TMEM132D: variants seen among roughly 807,000 people sequenced by gnomAD.
TMEM132D encodes the protein mature OL transmembrane protein.
Under a neutral mutation model 62.3 loss-of-function variants are expected in TMEM132D, and 21 were observed. The observed-to-expected ratio is 0.34, with a 90% CI of 0.24 to 0.49. TMEM132D has a LOEUF of 0.49. Ranked by LOEUF, TMEM132D falls within the 20% of genes least tolerant of loss-of-function variation. TMEM132D has a pLI of 0.99. For missense variants in TMEM132D, 1,346 were observed against 1,402.8 expected, an observed-to-expected ratio of 0.96 and a Z score of 0.65; for synonymous variants, 621 against 575.6, an observed-to-expected ratio of 1.08 and a Z score of -1.13.
Position 129,073,764 on chromosome 12 carries a change from C to A in TMEM132D, c.*111G>T, listed in dbSNP as rs570219941. On this transcript the variant is annotated 3_prime_UTR_variant, in exon 9 of 9. Transcript: ENST00000422113. ...TTGGCTGAGGCTGTATGGATAGTGT[C>A]ATCCTTATTTTGTCCTGCTGCTTTG... is the stretch of plus-strand genomic sequence containing the variant. 4 of 1,022,488 alleles carry A rather than the reference C, an allele frequency of 3.9e-6. No individual in the cohort carries two copies. The highest frequency in any genetic ancestry group is 1.6e-5 in the African/African-American group (1 of 62,070). The allele number at this position is 1,022,488 out of a possible 1,614,324, so 63.3% of individuals were successfully genotyped here. A position where few individuals can be genotyped will look rare whatever the true frequency, so the allele number is the denominator to read the frequency against.
intron 3 of TMEM132D, among the ~76,000 whole-genome samples, chr12:129,518,189 G>C (rs1456445623): frequency 6.6e-6 from 1 of 152,048 alleles, no homozygotes; most frequent in Admixed American, 6.6e-5. Context: ...TAGTTTTTCT[G>C]TTGTGAGTTT....
intron 5 of TMEM132D, among the ~76,000 whole-genome samples, chr12:129,143,246 C>A (rs1876794453): frequency 1.3e-5 from 2 of 152,090 alleles, no homozygotes; most frequent in Admixed American, 1.3e-4. Context: ...TAGAGTGGCT[C>A]ACAAAACTCA....
At chr12:129,481,491 G>GT (rs1874429020) in intron 3 of TMEM132D, among the ~76,000 whole-genome samples, 2 of 147,892 alleles carry the variant, frequency 1.4e-5, no homozygotes, top group African/African-American at 5.0e-5. Flanking sequence ...CCACAAAACT[G>GT]TAAGACAAAC....
In TMEM132D at chr12:129,699,849, G is replaced by A. The variant is rs2137225223; in HGVS notation, c.929C>T (p.Ser310Phe). 1 of 1,614,178 alleles carries A rather than the reference G, an allele frequency of 6.2e-7. No homozygotes were observed. The highest frequency in any genetic ancestry group is 8.5e-7 in the Non-Finnish European group (1 of 1,180,040). The change falls in exon 2 of 9, where the codon TCC (serine) becomes TTC (phenylalanine). Residue 310 changes from serine to phenylalanine, a missense_variant. Transcript: ENST00000422113. ...ATCTTCAGTGGAATTTCTGGAGATG[G>A]AAACAGGAAAAGTCAGCACGTCTCC... ...RKGDVLTFPV[S>F]ISRNSTEDRF...
intron 2 of TMEM132D, among the ~76,000 whole-genome samples, chr12:129,697,401 T>G (rs1211116938): frequency 2.6e-5 from 4 of 152,234 alleles, no homozygotes; most frequent in Non-Finnish European, 5.9e-5. Flanking sequence ...ATAATAATCT[T>G]GCCAGGTCCA....
chr12:129,103,088 T>G (rs900631823), intron 5 of TMEM132D, among the ~76,000 whole-genome samples: 1 of 152,246 alleles, frequency 6.6e-6, no homozygotes, highest in African/African-American at 2.4e-5. Context: ...TGCTCTGTTT[T>G]GTGACCCTAC....
At chr12:129,118,743 C>T (rs955676779) in intron 5 of TMEM132D, among the ~76,000 whole-genome samples, 3 of 152,222 alleles carry the variant, frequency 2.0e-5, no homozygotes, top group African/African-American at 4.8e-5. Context: ...CCTGGCCATT[C>T]CAGGCAAGAG....
chr12:129,442,453 T>C (rs1872967765), intron 3 of TMEM132D, among the ~76,000 whole-genome samples: 1 of 152,158 alleles, frequency 6.6e-6, no homozygotes, highest in Admixed American at 6.5e-5. Flanking sequence ...CTCAGGTAAG[T>C]CACTCAAGAG....
intron 3 of TMEM132D, among the ~76,000 whole-genome samples, chr12:129,512,649 C>T (rs537400957): frequency 6.6e-6 from 1 of 152,308 alleles, no homozygotes; most frequent in Admixed American, 6.5e-5. Context: ...GGACCGTGAT[C>T]AACTAGGGGC....
intron 1 of TMEM132D, among the ~76,000 whole-genome samples, chr12:129,783,537 C>T (rs533461561): frequency 2.0e-5 from 3 of 152,240 alleles, no homozygotes; most frequent in South Asian, 2.1e-4. Flanking sequence ...ATATTCCAGG[C>T]GTACTTGTTT....
intron 4 of TMEM132D, 35 bp downstream of exon 4, chr12:129,337,599 T>C (rs2135657754): frequency 6.2e-7 from 1 of 1,610,292 alleles, no homozygotes; most frequent in East Asian, 2.2e-5. Flanking sequence ...CTCCCCCGAG[T>C]TCAGTTCTAA....
At chr12:129,622,088 G>A (rs1178036104) in intron 2 of TMEM132D, among the ~76,000 whole-genome samples, 1 of 152,152 alleles carries the variant, frequency 6.6e-6, no homozygotes, top group Non-Finnish European at 1.5e-5. Flanking sequence ...GTACGTGGGG[G>A]AACTCTCTCT....
At chr12:129,777,761 C>G (rs1870987275) in intron 1 of TMEM132D, among the ~76,000 whole-genome samples, 1 of 152,030 alleles carries the variant, frequency 6.6e-6, no homozygotes, top group East Asian at 1.9e-4. Flanking sequence ...CAATTACTGC[C>G]AAGAGCACCT....
intron 5 of TMEM132D, among the ~76,000 whole-genome samples, chr12:129,184,242 T>C (rs1878157371): frequency 2.0e-5 from 3 of 152,300 alleles, no homozygotes; most frequent in South Asian, 4.1e-4. Flanking sequence ...ATGGGGAGTC[T>C]CTTCTTACTC....
At chr12:129,449,237 G>A (rs78984591) in intron 3 of TMEM132D, among the ~76,000 whole-genome samples, 3,174 of 152,246 alleles carry the variant, frequency 0.021, 113 homozygotes, top group African/African-American at 0.074. Context: ...GTAAGCACTT[G>A]GACCCTTACC....
At chr12:129,786,960 G>T (rs1871263071) in intron 1 of TMEM132D, among the ~76,000 whole-genome samples, 1 of 152,010 alleles carries the variant, frequency 6.6e-6, no homozygotes, top group South Asian at 2.1e-4. Flanking sequence ...GACAGCATGA[G>T]CTCCAGGGGC....
chr12:129,800,804 CG>C (rs1871747899), intron 1 of TMEM132D, among the ~76,000 whole-genome samples: 1 of 152,048 alleles, frequency 6.6e-6, no homozygotes, highest in Non-Finnish European at 1.5e-5. Flanking sequence ...TCTGAGGTAC[CG>C]GGCTCATCTC....
intron 1 of TMEM132D, among the ~76,000 whole-genome samples, chr12:129,870,955 G>C (rs1874220984): frequency 6.6e-6 from 1 of 152,076 alleles, no homozygotes; most frequent in Non-Finnish European, 1.5e-5. Flanking sequence ...CACACCATTG[G>C]TATCAGAGCT....
At chr12:129,473,894 A>G (rs190149480) in intron 3 of TMEM132D, among the ~76,000 whole-genome samples, 31 of 152,316 alleles carry the variant, frequency 2.0e-4, no homozygotes, top group African/African-American at 6.5e-4. Flanking sequence ...AAACGTCCCA[A>G]TGAGCAAATT....
Sources: gnomAD v4.1 joint callset for allele counts (sites outside exome capture counted in the v4.1 genomes callset) on GRCh38, gnomAD v4.1.1 for gene constraint, MANE v1.5 for transcripts, NCBI Gene and HGNC (gene_info 2026-07-23, HGNC 2026-07-21) for gene names.